Variants in TBL1X observed in about 807,000 individuals in gnomAD.
TBL1X encodes F-box-like/WD repeat-containing protein TBL1X.
TBL1X carries 10 observed loss-of-function variants against 50.7 expected under a neutral mutation model. That is an observed-to-expected ratio of 0.20 (90% CI 0.12 to 0.33). The LOEUF (loss-of-function observed/expected upper bound fraction) is 0.33. Ranked by LOEUF, TBL1X falls within the 10% of genes least tolerant of loss-of-function variation. The pLI is 1.00. For missense variants in TBL1X, 340 were observed against 504.4 expected (o/e 0.67, Z 3.12); for synonymous variants, 190 against 214.7 (o/e 0.88, Z 1.01).
rs777087098 is a variant in TBL1X, at chrX:9,700,847, C to T, written c.1114+3418C>T. ...CAGAAAGGAATGAACTATTGATGCA[C>T]GACAGCCAGGAGAGATCTCAAGGGC... On this transcript the variant is annotated intron_variant, in intron 12 of 17. Coordinates refer to ENST00000645353, the MANE Select transcript of TBL1X (RefSeq NM_005647.4). Among the ~76,000 whole-genome samples the T allele has an allele frequency of 2.9e-4, 33 of 111,878 alleles. No individual in the cohort carries two copies. In the South Asian group the frequency reaches 4.9e-3, roughly 16 times the overall value.
chrX:9,676,355 T>G (rs2146621474), intron 5 of TBL1X, among the ~76,000 whole-genome samples: 1 of 112,156 alleles, frequency 8.9e-6, no homozygotes, highest in Admixed American at 9.4e-5. Flanking sequence ...TGTCTCGTTG[T>G]CCTAGCCCGC....
At chrX:9,651,680 A>G (rs191639869) in intron 3 of TBL1X, among the ~76,000 whole-genome samples, 8 of 112,506 alleles carry the variant, frequency 7.1e-5, no homozygotes, top group African/African-American at 2.6e-4. Context: ...TTTCTTCTGC[A>G]TGCTGTCTTT....
At chrX:9,467,025 CAGAG>C (rs1363423709) in intron 1 of TBL1X, among the ~76,000 whole-genome samples, 1 of 112,036 alleles carries the variant, frequency 8.9e-6, no homozygotes, top group Non-Finnish European at 1.9e-5. Context: ...CCCTTTACCT[CAGAG>C]AACTTCTCTC....
In TBL1X at chrX:9,665,531, ATATATAT is replaced by A. The variant is rs1412350964; in HGVS notation, c.211+11210_211+11216del. Among the ~76,000 whole-genome samples, 3 of 56,210 alleles carry A rather than the reference ATATATAT, an allele frequency of 5.3e-5. No individual in the cohort carries two copies. The East Asian group carries it at 2.2e-3, about 42-fold the overall frequency. 48.8% of individuals were successfully genotyped at this position (56,210 alleles called of 115,157 possible). On this transcript the variant is annotated intron_variant, in intron 5 of 17. Transcript: ENST00000645353. The stretch of plus-strand genomic sequence containing the variant: ...TATATATATATATATATATATATAT[ATATATAT>A]AAAAGGCCTTGGTGCTTTTTCGCTT...
intron 2 of TBL1X, among the ~76,000 whole-genome samples, chrX:9,600,235 A>G (rs1843895553): frequency 9.0e-6 from 1 of 110,636 alleles, no homozygotes; most frequent in South Asian, 4.0e-4. Flanking sequence ...TGGGAAGTCC[A>G]GGATCAAGGC....
At chrX:9,583,111 T>C (rs1339487686) in intron 2 of TBL1X, among the ~76,000 whole-genome samples, 1 of 112,600 alleles carries the variant, frequency 8.9e-6, no homozygotes, top group African/African-American at 3.2e-5. Flanking sequence ...ATTGTGTCAT[T>C]GTTGAGGAGG....
At chrX:9,506,543 T>TA (rs943855818) in intron 2 of TBL1X, among the ~76,000 whole-genome samples, 23 of 111,328 alleles carry the variant, frequency 2.1e-4, no homozygotes, top group Non-Finnish European at 3.8e-5. Context: ...ACAAAATAGA[T>TA]AGACTGCTAG....
At chrX:9,463,844 A>T (rs1438760912), upstream of TBL1X, among the ~76,000 whole-genome samples, 3 of 112,388 alleles carry the variant, frequency 2.7e-5, no homozygotes, top group African/African-American at 9.7e-5. Context: ...CAATGAGCCG[A>T]CAGCGCGCCA....
intron 3 of TBL1X, among the ~76,000 whole-genome samples, chrX:9,651,284 A>C (rs994872623): frequency 1.3e-4 from 15 of 111,641 alleles, no homozygotes; most frequent in Non-Finnish European, 2.6e-4. Flanking sequence ...GGCTCAAGCG[A>C]TCCGCCTGCC....
intron 2 of TBL1X, among the ~76,000 whole-genome samples, chrX:9,623,798 A>G (rs1399054094): frequency 8.9e-6 from 1 of 112,303 alleles, no homozygotes; most frequent in Non-Finnish European, 1.9e-5. Flanking sequence ...GGCTTTTCCA[A>G]GGGTCTGAGT....
chrX:9,675,248 A>T (rs959974743), intron 5 of TBL1X, among the ~76,000 whole-genome samples: 1 of 111,503 alleles, frequency 9.0e-6, no homozygotes, highest in Admixed American at 9.6e-5. Flanking sequence ...AAAAATAAAG[A>T]GCAAACCCCA....
chrX:9,529,462 T>A (rs1025951066), intron 2 of TBL1X, among the ~76,000 whole-genome samples: 1 of 111,362 alleles, frequency 9.0e-6, no homozygotes, highest in Non-Finnish European at 1.9e-5. Flanking sequence ...GTTGCAGACA[T>A]TGTGTGGAAT....
At chrX:9,601,185 C>G (rs1480693768) in intron 2 of TBL1X, among the ~76,000 whole-genome samples, 1 of 111,411 alleles carries the variant, frequency 9.0e-6, no homozygotes, top group East Asian at 2.8e-4. Context: ...CAACACTGCC[C>G]CCTTTTTCCA....
chrX:9,505,226 C>T (rs1328052451), intron 2 of TBL1X, among the ~76,000 whole-genome samples: 4 of 111,445 alleles, frequency 3.6e-5, no homozygotes, highest in African/African-American at 1.3e-4. Flanking sequence ...TCTATAAAAT[C>T]CTTTCCAGAC....
intron 17 of TBL1X, 122 bp downstream of exon 17, chrX:9,715,125 T>G: frequency 1.5e-6 from 1 of 664,420 alleles, no homozygotes; most frequent in Non-Finnish European, 2.3e-6. Context: ...CAAAGGAAGC[T>G]TCTGGGCTGG....
rs1379247205 is a variant in TBL1X at position 9,490,420 on chromosome X, C to G, written c.-200-11360C>G. On this transcript the variant is annotated intron_variant, in intron 1 of 17. Transcript: ENST00000645353. ...GCTGGGTGGGGGTTGCTCCTGGCAT[C>G]TTGTGGGCAGACCCCAGGGGTTCCA... 5.4e-5 allele frequency among the ~76,000 whole-genome samples: 6 copies of G among 112,143 alleles called. No homozygotes were observed. The East Asian group carries it at 1.4e-3, about 26-fold the overall frequency.
intron 2 of TBL1X, among the ~76,000 whole-genome samples, chrX:9,621,730 A>G (rs888698425): frequency 1.8e-5 from 2 of 112,329 alleles, no homozygotes; most frequent in East Asian, 2.8e-4. Context: ...TTTAACAAGA[A>G]CACCCAGCCC....
chrX:9,559,201 G>A (rs1281425576), intron 2 of TBL1X, among the ~76,000 whole-genome samples: 2 of 112,008 alleles, frequency 1.8e-5, no homozygotes, highest in Non-Finnish European at 3.8e-5. Flanking sequence ...TTTGGATACC[G>A]CCTTCCTGTC....
At chrX:9,575,209 C>T (rs1171336525) in intron 2 of TBL1X, among the ~76,000 whole-genome samples, 1 of 110,863 alleles carries the variant, frequency 9.0e-6, no homozygotes, top group Admixed American at 9.6e-5. Context: ...CGTGAGAACT[C>T]ACTCGCCATC....
Sources: allele counts gnomAD v4.1 joint callset (sites outside exome capture counted in the v4.1 genomes callset), GRCh38; gene constraint gnomAD v4.1.1; transcripts MANE v1.5; gene names NCBI Gene and HGNC (gene_info 2026-07-23, HGNC 2026-07-21).